PCTP: variants seen among roughly 807,000 people sequenced by gnomAD.
PCTP encodes the protein phosphatidylcholine transfer protein.
In PCTP, 27 loss-of-function variants were observed where a neutral mutation model predicts 31.0. The observed-to-expected ratio is 0.87, with a 90% CI of 0.64 to 1.20. The LOEUF is 1.20. Ranked by LOEUF, PCTP falls within the 50% of genes most tolerant of loss-of-function variation. The pLI, the probability that PCTP is intolerant of heterozygous loss-of-function variation, is 0.00. For missense variants in PCTP, 287 were observed against 268.2 expected (o/e 1.07, Z -0.49); for synonymous variants, 108 against 101.2 (o/e 1.07, Z -0.40).
chr17:55,808,650 G>T (rs550084595), intron 3 of PCTP, among the ~76,000 whole-genome samples: 3 of 152,272 alleles, frequency 2.0e-5, no homozygotes, highest in African/African-American at 7.2e-5. Context: ...ACTCAGATTA[G>T]CAAGCAAGTC....
chr17:55,822,668 C>G (rs1304239344), intron 3 of PCTP: 2 of 558,164 alleles, frequency 3.6e-6, no homozygotes, highest in African/African-American at 4.0e-5. Context: ...CATGACTATC[C>G]AAACCCCTTA....
At chr17:55,762,695 ACT>A in intron 1 of PCTP, among the ~76,000 whole-genome samples, 1 of 152,002 alleles carries the variant, frequency 6.6e-6, no homozygotes, top group Non-Finnish European at 1.5e-5. Flanking sequence ...GAGTCTTTCT[ACT>A]CTGTTTCTCA....
downstream of PCTP, among the ~76,000 whole-genome samples, chr17:55,845,430 C>T (rs1039935909): frequency 6.6e-6 from 1 of 152,196 alleles, no homozygotes; most frequent in Non-Finnish European, 1.5e-5. Context: ...CCCGCGGGCT[C>T]CCAGGACGGC....
intron 3 of PCTP, among the ~76,000 whole-genome samples, chr17:55,798,131 T>TGA (rs1025186313): frequency 3.2e-4 from 48 of 151,876 alleles, no homozygotes; most frequent in African/African-American, 1.1e-3. Flanking sequence ...ACAAGTGAAG[T>TGA]GAGACTTACT....
chr17:55,845,723 C>T (rs1231004814), downstream of PCTP, among the ~76,000 whole-genome samples: 1 of 152,096 alleles, frequency 6.6e-6, no homozygotes, highest in Non-Finnish European at 1.5e-5. Context: ...GCACCTGGGA[C>T]CCCCGGGACC....
At chr17:55,781,302 TG>T (rs1911557476), downstream of PCTP, among the ~76,000 whole-genome samples, 1 of 152,264 alleles carries the variant, frequency 6.6e-6, no homozygotes, top group Non-Finnish European at 1.5e-5. Context: ...CTACTCTTTT[TG>T]TCTATGTTGG....
At chr17:55,805,544 T>C (rs1912546655) in intron 3 of PCTP, among the ~76,000 whole-genome samples, 2 of 152,102 alleles carry the variant, frequency 1.3e-5, no homozygotes, top group Admixed American at 6.6e-5. Flanking sequence ...GTCATTCTTT[T>C]TATGGCTGCA....
intron 2 of PCTP, chr17:55,770,422 G>A (rs572313224): frequency 2.0e-5 from 3 of 152,350 alleles, no homozygotes; most frequent in South Asian, 4.1e-4. Flanking sequence ...GGGAATTAAA[G>A]GGCTCAGAAG....
intron 1 of PCTP, among the ~76,000 whole-genome samples, chr17:55,754,922 G>A (rs924385683): frequency 5.9e-5 from 9 of 151,954 alleles, no homozygotes; most frequent in South Asian, 2.1e-4. Flanking sequence ...CACACACGCC[G>A]CCACACATAT....
At chr17:55,812,770 T>C (rs1912793526) in intron 3 of PCTP, among the ~76,000 whole-genome samples, 1 of 152,156 alleles carries the variant, frequency 6.6e-6, no homozygotes, top group African/African-American at 2.4e-5. Flanking sequence ...ATTTAGTCCT[T>C]TTCACCCCAT....
At chr17:55,804,169 A>G (rs1235381943) in intron 3 of PCTP, among the ~76,000 whole-genome samples, 1 of 152,182 alleles carries the variant, frequency 6.6e-6, no homozygotes, top group South Asian at 2.1e-4. Context: ...TATCAAAACC[A>G]TCTCACTCCA....
intron 3 of PCTP, among the ~76,000 whole-genome samples, chr17:55,796,372 T>C (rs1439753290): frequency 6.6e-6 from 1 of 152,000 alleles, no homozygotes; most frequent in Non-Finnish European, 1.5e-5. Flanking sequence ...CTGGTGGAGA[T>C]GAAAGAGAGG....
intron 3 of PCTP, among the ~76,000 whole-genome samples, chr17:55,794,124 T>C (rs1380720498): frequency 6.6e-6 from 1 of 152,094 alleles, no homozygotes; most frequent in Admixed American, 6.6e-5. Flanking sequence ...CCAACCTCCT[T>C]TTTTGCATCA....
intron 1 of PCTP, among the ~76,000 whole-genome samples, chr17:55,764,421 T>C (rs1466661118): frequency 6.6e-6 from 1 of 152,198 alleles, no homozygotes; most frequent in Non-Finnish European, 1.5e-5. Context: ...AGAGAGAAGA[T>C]GTTTATCTTC....
At chr17:55,833,493 T>C (rs1125712) in intron 5 of PCTP, among the ~76,000 whole-genome samples, 45,159 of 152,074 alleles carry the variant, frequency 0.3, 6,702 homozygotes, top group East Asian at 0.42. Flanking sequence ...TTTGTAAGTG[T>C]TTGCATGCAC....
At chr17:55,828,674 C>G (rs184931669) in intron 5 of PCTP, among the ~76,000 whole-genome samples, 73 of 152,068 alleles carry the variant, frequency 4.8e-4, no homozygotes, top group African/African-American at 1.7e-3. Context: ...GGGTGGGAAG[C>G]AATTTAACCC....
Position 55,773,742 on chromosome 17 carries a change from C to A in PCTP, c.358C>A (p.Arg120=). 6.2e-7 allele frequency: 1 copy of A among 1,612,864 alleles called. No homozygotes were observed. Among genetic ancestry groups the A allele is most frequent in the Non-Finnish European group, 8.5e-7 (1 of 1,179,200 alleles). Residue 120 remains arginine, a synonymous_variant, in exon 4 of 6, where the codon CGG becomes AGG. Transcript: ENST00000268896. ...SNRDYVYLRQ[R]RDLDMEGRKI... is the part of the protein sequence containing the mutation. ...TATGCAGTATGTCTACCTTCGGCAG[C>A]GGCGAGACCTGGACATGGAAGGGAG... is the stretch of plus-strand genomic sequence containing the variant.
chr17:55,824,546 C>A (rs1487718672), downstream of PCTP, among the ~76,000 whole-genome samples: 3 of 152,182 alleles, frequency 2.0e-5, no homozygotes, highest in African/African-American at 4.8e-5. Context: ...AAGTCTCAAA[C>A]AATGATAAAT....
At position 55,776,364 on chromosome 17, in the gene PCTP, C is replaced by T. The variant is rs943225682; in HGVS notation, c.*264C>T. The T allele has an allele frequency of 5.2e-5, 70 of 1,335,504 alleles. No homozygotes were observed. Among genetic ancestry groups the T allele is most frequent in the Non-Finnish European group, 6.4e-5 (67 of 1,047,568 alleles). 82.7% of individuals were successfully genotyped at this position (1,335,504 alleles called of 1,614,324 possible). ...TCCTGGGCTGGGCTGCCTTCTTCTA[C>T]AGTTCAATATGGGGCAGACTAGGGA... On this transcript the variant is annotated 3_prime_UTR_variant, in exon 6 of 6. Coordinates refer to ENST00000268896, the MANE Select transcript of PCTP (RefSeq NM_021213.4).
Sources: allele counts gnomAD v4.1 joint callset (sites outside exome capture counted in the v4.1 genomes callset), GRCh38; gene constraint gnomAD v4.1.1; transcripts MANE v1.5; gene names NCBI Gene and HGNC (gene_info 2026-07-23, HGNC 2026-07-21).